CPNE4: variants seen among roughly 807,000 people sequenced by gnomAD.
CPNE4 encodes copine-4.
CPNE4 carries 25 observed loss-of-function variants against 67.9 expected under a neutral mutation model. The ratio of observed to expected loss-of-function variants is 0.37; its 90% CI spans 0.27 to 0.51. CPNE4 has a LOEUF of 0.51. CPNE4 is among the 20% of genes least tolerant of loss of function. The pLI is 0.93. For synonymous variants in CPNE4, 242 were observed against 244.9 expected, an observed-to-expected ratio of 0.99 and a Z score of 0.11; for missense variants, 464 against 690.8, an observed-to-expected ratio of 0.67 and a Z score of 3.68.
At chr3:131,607,690 GA>G (rs1338292072) in intron 7 of CPNE4, among the ~76,000 whole-genome samples, 2 of 152,122 alleles carry the variant, frequency 1.3e-5, no homozygotes, top group East Asian at 3.8e-4. Flanking sequence ...TCATTTCAAA[GA>G]GCATCAGTAC....
intron 7 of CPNE4, among the ~76,000 whole-genome samples, chr3:131,627,075 C>A (rs1227163470): frequency 2.6e-5 from 4 of 151,350 alleles, no homozygotes; most frequent in African/African-American, 4.9e-5. Context: ...CGCCTGTAAT[C>A]CCAGCTACTC....
intron 7 of CPNE4, among the ~76,000 whole-genome samples, chr3:131,621,588 G>C (rs975076771): frequency 6.6e-6 from 1 of 152,058 alleles, no homozygotes; most frequent in African/African-American, 2.4e-5. Flanking sequence ...ATATCCTCTA[G>C]GCCATTATCC....
At chr3:131,777,892 G>A (rs1407747851) in intron 2 of CPNE4, among the ~76,000 whole-genome samples, 3 of 152,064 alleles carry the variant, frequency 2.0e-5, no homozygotes, top group Non-Finnish European at 4.4e-5. Flanking sequence ...TATTGCAGCT[G>A]TTGGTTAATG....
intron 2 of CPNE4, among the ~76,000 whole-genome samples, chr3:131,867,297 G>A (rs1402903398): frequency 6.6e-6 from 1 of 152,054 alleles, no homozygotes. Context: ...AAGCTAAGTT[G>A]ACAAAAAACA....
At chr3:131,801,732 A>T (rs1220975904) in intron 2 of CPNE4, among the ~76,000 whole-genome samples, 1 of 150,904 alleles carries the variant, frequency 6.6e-6, no homozygotes, top group Non-Finnish European at 1.5e-5. Flanking sequence ...TCCAGAGTAT[A>T]AACTGTAGTG....
intron 1 of CPNE4, among the ~76,000 whole-genome samples, chr3:132,000,543 C>T (rs987041095): frequency 4.0e-5 from 6 of 150,806 alleles, no homozygotes; most frequent in African/African-American, 4.9e-5. Flanking sequence ...TACTAGTAAA[C>T]GTTAAGGACA....
intron 2 of CPNE4, among the ~76,000 whole-genome samples, chr3:131,758,121 T>C (rs987819876): frequency 2.0e-5 from 3 of 152,226 alleles, no homozygotes; most frequent in South Asian, 4.1e-4. Context: ...TAGTGCAGCA[T>C]TGAGAAGAGG....
chr3:131,986,240 C>G (rs1474606165), intron 1 of CPNE4, among the ~76,000 whole-genome samples: 3 of 152,102 alleles, frequency 2.0e-5, no homozygotes, highest in African/African-American at 7.2e-5. Flanking sequence ...GGAAACAGAA[C>G]CTGATTGGTA....
At chr3:131,791,576 T>C (rs897348055) in intron 2 of CPNE4, among the ~76,000 whole-genome samples, 5 of 152,270 alleles carry the variant, frequency 3.3e-5, no homozygotes, top group Non-Finnish European at 7.4e-5. Context: ...GTCCCAGTGC[T>C]GACAAGCTTA....
chr3:131,802,778 T>A (rs998209815), intron 2 of CPNE4, among the ~76,000 whole-genome samples: 7 of 152,166 alleles, frequency 4.6e-5, no homozygotes, highest in Admixed American at 1.3e-4. Context: ...CAAAACTGAA[T>A]CATTGAAAAC....
chr3:131,779,458 TG>T (rs2083377926), intron 2 of CPNE4, among the ~76,000 whole-genome samples: 1 of 151,972 alleles, frequency 6.6e-6, no homozygotes, highest in East Asian at 1.9e-4. Flanking sequence ...GTAACTAAAA[TG>T]GCATGGTACT....
At position 132,000,419 on chromosome 3, in the gene CPNE4, CAG is replaced by C. The variant is rs529466712; in HGVS notation, c.-2+34146_-2+34147del. ...TTATCCCCAGGTGCTAGGAATAAAACAGAGCACAAAATTTCTTGACCTCATGA... is the reference window on the plus strand; with the variant it reads ...TTATCCCCAGGTGCTAGGAATAAAACAGCACAAAATTTCTTGACCTCATGA... On this transcript the variant is annotated intron_variant, in intron 1 of 15. Coordinates refer to ENST00000429747, the MANE Select transcript of CPNE4 (RefSeq NM_130808.3). 2.3e-3 allele frequency among the ~76,000 whole-genome samples: 347 copies of C among 151,998 alleles called. 3 individuals carry two copies. Among genetic ancestry groups the C allele is most frequent in the African/African-American group, 7.9e-3 (327 of 41,504 alleles).
chr3:131,656,276 G>A (rs1385616677), intron 7 of CPNE4, among the ~76,000 whole-genome samples: 1 of 152,114 alleles, frequency 6.6e-6, no homozygotes, highest in Non-Finnish European at 1.5e-5. Context: ...TCTGAGACAT[G>A]ACAATGAGGA....
intron 2 of CPNE4, among the ~76,000 whole-genome samples, chr3:131,837,979 C>A (rs547701124): frequency 2.6e-5 from 4 of 151,774 alleles, no homozygotes; most frequent in African/African-American, 7.2e-5. Context: ...GTTGCAAAAC[C>A]ATTACCACCA....
intron 2 of CPNE4, among the ~76,000 whole-genome samples, chr3:131,817,167 T>C (rs1169771344): frequency 6.6e-6 from 1 of 152,032 alleles, no homozygotes; most frequent in Non-Finnish European, 1.5e-5. Flanking sequence ...ACAAGCACTA[T>C]GGAAAAAAGA....
At chr3:131,881,261 C>G in intron 2 of CPNE4, among the ~76,000 whole-genome samples, 1 of 152,190 alleles carries the variant, frequency 6.6e-6, no homozygotes, top group Non-Finnish European at 1.5e-5. Flanking sequence ...ATACCTTTAG[C>G]TTTAGCCTTG....
chr3:131,631,506 T>C (rs1464555517), intron 7 of CPNE4, among the ~76,000 whole-genome samples: 1 of 152,222 alleles, frequency 6.6e-6, no homozygotes, highest in Non-Finnish European at 1.5e-5. Flanking sequence ...TTTAATTTAA[T>C]GAGAAATTAC....
intron 2 of CPNE4, among the ~76,000 whole-genome samples, chr3:131,749,159 A>C (rs1275171672): frequency 6.6e-6 from 1 of 152,036 alleles, no homozygotes; most frequent in African/African-American, 2.4e-5. Flanking sequence ...ACTTCAATGT[A>C]TTTTTACATT....
chr3:131,560,083 G>A (rs1396154499), intron 11 of CPNE4, among the ~76,000 whole-genome samples: 2 of 151,956 alleles, frequency 1.3e-5, no homozygotes, highest in Admixed American at 6.6e-5. Flanking sequence ...GTCTCCCTTT[G>A]TGTTCAGATC....
Sources: allele counts gnomAD v4.1 joint callset (sites outside exome capture counted in the v4.1 genomes callset), GRCh38; gene constraint gnomAD v4.1.1; transcripts MANE v1.5; gene names NCBI Gene and HGNC (gene_info 2026-07-23, HGNC 2026-07-21).